IMPACT: variants seen among roughly 807,000 people sequenced by gnomAD.
The protein encoded by IMPACT is impact RWD domain protein.
Under a neutral mutation model 47.5 loss-of-function variants are expected in IMPACT, and 35 were observed. The observed-to-expected ratio is 0.74, with a 90% CI of 0.56 to 0.98. IMPACT has a LOEUF of 0.98. IMPACT is among the 50% of genes least tolerant of loss of function. The pLI is 0.00. For missense variants in IMPACT, 373 were observed against 394.8 expected, an observed-to-expected ratio of 0.94 and a Z score of 0.47; for synonymous variants, 118 against 125.6, an observed-to-expected ratio of 0.94 and a Z score of 0.40.
At chr18:24,444,141 G>C (rs1467385293) in intron 7 of IMPACT, among the ~76,000 whole-genome samples, 1 of 152,104 alleles carries the variant, frequency 6.6e-6, no homozygotes, top group Non-Finnish European at 1.5e-5. Context: ...TTTCTCTCAG[G>C]AATCCTATTT....
At chr18:24,446,199 G>C (rs1007777569) in intron 8 of IMPACT, among the ~76,000 whole-genome samples, 1 of 152,002 alleles carries the variant, frequency 6.6e-6, no homozygotes, top group Non-Finnish European at 1.5e-5. Flanking sequence ...CGTTAACTGG[G>C]ACTGTAGGTG....
chr18:24,426,979 C>A (rs1054822401), intron 1 of IMPACT, 187 bp downstream of exon 1: 3 of 412,136 alleles, frequency 7.3e-6, no homozygotes, highest in Non-Finnish European at 1.2e-5. Flanking sequence ...CTTAGGCCGG[C>A]GGCTCCTCGG....
At chr18:24,450,634 C>A (rs1474506540) in intron 10 of IMPACT, 145 bp from the exon 11 acceptor site, 9 of 479,124 alleles carry the variant, frequency 1.9e-5, no homozygotes, top group Non-Finnish European at 3.0e-5. Context: ...AGTGATTATA[C>A]CCTCACTGTA....
chr18:24,446,096 G>T (rs543394877), intron 8 of IMPACT, among the ~76,000 whole-genome samples: 2 of 152,046 alleles, frequency 1.3e-5, no homozygotes, highest in Admixed American at 1.3e-4. Flanking sequence ...TTTTGGTTTG[G>T]TTTTTGAGAC....
Position 24,448,134 on chromosome 18 carries a change from A to G in IMPACT, c.710A>G (p.Glu237Gly). The change falls in exon 9 of 11, where the codon GAG becomes GGG. Residue 237 changes from glutamate (E) to glycine (G), a missense_variant. Transcript: ENST00000284202. ...EDKQTFLQDC[E>G]DDGETAAGGR... ...AAACAGACCTTCTTACAGGATTGTG[A>G]GGATGATGGGGAAACAGCAGCTGGT... 3.7e-6 allele frequency: 6 copies of G among 1,613,546 alleles called. No homozygotes were observed. Among genetic ancestry groups the G allele is most frequent in the Non-Finnish European group, 5.1e-6 (6 of 1,179,522 alleles).
intron 4 of IMPACT, 50 bp from the exon 5 acceptor site, chr18:24,437,905 A>G (rs1308507876): frequency 1.2e-6 from 1 of 844,388 alleles, no homozygotes; most frequent in Non-Finnish European, 2.0e-6. Context: ...TGAATTTGAG[A>G]AGATGATTTT....
At position 24,433,281 on chromosome 18, in the gene IMPACT, G is replaced by A. The variant is rs1307485843; in HGVS notation, c.281+2897G>A. ...GTGGCGCAATCTCGGCTCACTGCAAGCTCTGCCTCCCGGGTTCACGCCATT... is the reference window on the plus strand; with the variant it reads ...GTGGCGCAATCTCGGCTCACTGCAAACTCTGCCTCCCGGGTTCACGCCATT... On this transcript the variant is annotated intron_variant, in intron 4 of 10. Coordinates refer to ENST00000284202, the MANE Select transcript of IMPACT (RefSeq NM_018439.4). 3.1e-5 allele frequency among the ~76,000 whole-genome samples: 4 copies of A among 129,080 alleles called. No homozygotes were observed. In the East Asian group the frequency reaches 1.0e-3, roughly 32 times the overall value. 84.7% of individuals were successfully genotyped at this position (129,080 alleles called of 152,430 possible).
chr18:24,439,731 G>A (rs1909050991), intron 5 of IMPACT: 1 of 152,108 alleles, frequency 6.6e-6, no homozygotes, highest in African/African-American at 2.4e-5. Flanking sequence ...AGAATCACTT[G>A]AACCTGGGAG....
chr18:24,450,666 T>A, intron 10 of IMPACT, 113 bp from the exon 11 acceptor site: 1 of 644,892 alleles, frequency 1.6e-6, no homozygotes, highest in South Asian at 2.2e-5. Flanking sequence ...TACATACATA[T>A]ATGTATGAAT....
chr18:24,443,308 G>A (rs568897873), intron 7 of IMPACT, among the ~76,000 whole-genome samples, 156 bp downstream of exon 7: 8 of 152,120 alleles, frequency 5.3e-5, no homozygotes, highest in South Asian at 2.1e-4. Flanking sequence ...TGTGAATCAC[G>A]GAAGATTTGT....
At chr18:24,450,622 A>G (rs1164349713) in intron 10 of IMPACT, among the ~76,000 whole-genome samples, 157 bp from the exon 11 acceptor site, 1 of 152,214 alleles carries the variant, frequency 6.6e-6, no homozygotes, top group Non-Finnish European at 1.5e-5. Flanking sequence ...GACACATATA[A>G]AAGTGATTAT....
chr18:24,442,982 C>A (rs955656307), intron 6 of IMPACT, 67 bp from the exon 7 acceptor site: 2 of 755,034 alleles, frequency 2.6e-6, no homozygotes, highest in Non-Finnish European at 4.5e-6. Flanking sequence ...GCTGCCCCCC[C>A]ATTTCATTTT....
chr18:24,445,101 A>C (rs994010949), intron 7 of IMPACT, among the ~76,000 whole-genome samples: 1 of 152,232 alleles, frequency 6.6e-6, no homozygotes, highest in African/African-American at 2.4e-5. Flanking sequence ...TATATGATAC[A>C]TTTAAAATTC....
At chr18:24,427,041 G>C in intron 1 of IMPACT, 1 of 386,776 alleles carries the variant, frequency 2.6e-6, no homozygotes, top group Non-Finnish European at 4.6e-6. Flanking sequence ...CCATTAACAC[G>C]CGACTAAGCA....
intron 3 of IMPACT, among the ~76,000 whole-genome samples, chr18:24,429,271 A>T (rs1908689215): frequency 6.6e-6 from 1 of 152,134 alleles, no homozygotes; most frequent in South Asian, 2.1e-4. Flanking sequence ...CAGTTCCTTG[A>T]TGTACCTGTA....
Position 24,428,864 on chromosome 18 carries a change from T to C in IMPACT, c.166-5T>C. On this transcript the variant is annotated splice_polypyrimidine_tract_variant and splice_region_variant and intron_variant, in intron 2 of 10. Transcript: ENST00000284202. ...TAAACAGATGTTTTTGAACCTGCAT[T>C]GTAGGTGATGCTGCCGAATGAATAC... 5 of 1,610,474 alleles carry C rather than the reference T, an allele frequency of 3.1e-6. No homozygotes were observed. The highest frequency in any genetic ancestry group is 4.2e-6 in the Non-Finnish European group (5 of 1,177,774).
At position 24,433,827 on chromosome 18, in the gene IMPACT, C is replaced by T. The variant is rs567752270; in HGVS notation, c.281+3443C>T. On this transcript the variant is annotated intron_variant, in intron 4 of 10. Coordinates refer to ENST00000284202, the MANE Select transcript of IMPACT (RefSeq NM_018439.4). ...CTGGGATTACAGGTGTGCACCACTACGCCTGGCTAATTTTTGTATTTTTAG... is the reference window on the plus strand; with the variant it reads ...CTGGGATTACAGGTGTGCACCACTATGCCTGGCTAATTTTTGTATTTTTAG... 2.9e-3 allele frequency among the ~76,000 whole-genome samples: 446 copies of T among 151,938 alleles called. 3 individuals are homozygous for T. Among genetic ancestry groups the T allele is most frequent in the African/African-American group, 9.6e-3 (399 of 41,434 alleles).
intron 4 of IMPACT, among the ~76,000 whole-genome samples, chr18:24,431,822 C>G (rs1377691847): frequency 6.6e-6 from 1 of 152,112 alleles, no homozygotes; most frequent in Non-Finnish European, 1.5e-5. Flanking sequence ...CAGCCTCAGC[C>G]TCCTGAGTAG....
At position 24,450,880 on chromosome 18, in the gene IMPACT, A is replaced by T; in HGVS notation, c.*33A>T. ...AACTATAGGAAAGGTTAATTTGCCT[A>T]TAATTATATATACATTCCATAGTCA... On this transcript the variant is annotated 3_prime_UTR_variant, in exon 11 of 11. Transcript: ENST00000284202. 2 of 1,214,750 alleles carry T rather than the reference A, an allele frequency of 1.6e-6. No homozygotes were observed. Among genetic ancestry groups the T allele is most frequent in the Non-Finnish European group, 2.4e-6 (2 of 823,260 alleles). The allele number at this position is 1,214,750 out of a possible 1,614,324, so 75.2% of individuals were successfully genotyped here. A position where few individuals can be genotyped will look rare whatever the true frequency, so the allele number is the denominator to read the frequency against.
Sources: allele counts gnomAD v4.1 joint callset (sites outside exome capture counted in the v4.1 genomes callset), GRCh38; gene constraint gnomAD v4.1.1; transcripts MANE v1.5; gene names NCBI Gene and HGNC (gene_info 2026-07-23, HGNC 2026-07-21).